Variants in SBF2 observed in about 807,000 individuals in gnomAD.
SBF2 encodes the protein myotubularin-related protein 13.
Under a neutral mutation model 225.2 loss-of-function variants are expected in SBF2, and 112 were observed. The observed-to-expected ratio is 0.50, with a 90% CI of 0.43 to 0.58. SBF2 has a LOEUF of 0.58. Among genes scored for constraint, SBF2 ranks in the 20% least tolerant of loss-of-function variants. The pLI is 0.00. For missense variants in SBF2, 1,996 were observed against 2,206.2 expected (o/e 0.90, Z 1.91); for synonymous variants, 763 against 773.3 (o/e 0.99, Z 0.22).
intron 16 of SBF2, among the ~76,000 whole-genome samples, chr11:9,937,302 G>T (rs1364997591): frequency 1.3e-5 from 2 of 151,672 alleles, no homozygotes; most frequent in South Asian, 4.2e-4. Context: ...AAGTTTTGTG[G>T]GAAGCATAAA....
intron 16 of SBF2, among the ~76,000 whole-genome samples, chr11:9,928,412 C>T (rs971750939): frequency 6.6e-6 from 1 of 152,122 alleles, no homozygotes; most frequent in African/African-American, 2.4e-5. Context: ...AACCACACAC[C>T]TATTAGGATG....
In SBF2 at chr11:10,116,143, T is replaced by C. The variant is rs543402090; in HGVS notation, c.142-73162A>G. Reference sequence around the variant, plus strand: ...GAGATCACGCCACTGCACTCCAGCCTGGGCGACAGAGCGAGACTCCCTCTC... The same window carrying C: ...GAGATCACGCCACTGCACTCCAGCCCGGGCGACAGAGCGAGACTCCCTCTC... On this transcript the variant is annotated intron_variant, in intron 2 of 39. Transcript: ENST00000256190. 7.2e-5 allele frequency among the ~76,000 whole-genome samples: 11 copies of C among 152,298 alleles called. No homozygotes were observed. The South Asian group carries it at 2.1e-3, about 29-fold the overall frequency.
intron 2 of SBF2, among the ~76,000 whole-genome samples, chr11:10,059,314 T>C (rs184664675): frequency 1.3e-4 from 20 of 151,840 alleles, no homozygotes; most frequent in African/African-American, 4.4e-4. Flanking sequence ...AATAAAAGCA[T>C]AGAGAAAGAT....
At chr11:9,814,486 C>T (rs986657323) in intron 29 of SBF2, among the ~76,000 whole-genome samples, 6 of 151,710 alleles carry the variant, frequency 4.0e-5, no homozygotes, top group African/African-American at 1.5e-4. Context: ...GGAAAAAACC[C>T]CCAGGGAATG....
Position 9,868,908 on chromosome 11 carries a change from T to C in SBF2, c.1930-10512A>G, listed in dbSNP as rs80273893. Among the ~76,000 whole-genome samples the C allele has an allele frequency of 6.4e-3, 982 of 152,330 alleles. 6 individuals are homozygous for C. Among genetic ancestry groups the C allele is most frequent in the African/African-American group, 0.023 (936 of 41,568 alleles). ...AGCACTCACCGGGCACATCTGTTTG[T>C]CTCTCCTTTTGTTATGTTAGAGGAT... is the stretch of plus-strand genomic sequence containing the variant. On this transcript the variant is annotated intron_variant, in intron 17 of 39. Coordinates refer to ENST00000256190, the MANE Select transcript of SBF2 (RefSeq NM_030962.4).
chr11:9,882,297 T>C (rs983740802), intron 17 of SBF2, among the ~76,000 whole-genome samples: 2 of 152,200 alleles, frequency 1.3e-5, no homozygotes, highest in African/African-American at 4.8e-5. Flanking sequence ...TTTTAGAAAA[T>C]TTCCTACAAA....
intron 28 of SBF2, among the ~76,000 whole-genome samples, chr11:9,825,626 C>T (rs1374216265): frequency 6.6e-6 from 1 of 152,004 alleles, no homozygotes; most frequent in Admixed American, 6.6e-5. Context: ...GAGATGTGTA[C>T]GGTTTTCAAA....
chr11:10,210,359 G>A (rs1244877175), intron 1 of SBF2, among the ~76,000 whole-genome samples: 3 of 151,730 alleles, frequency 2.0e-5, no homozygotes, highest in Non-Finnish European at 2.9e-5. Context: ...AGGAAGAAAG[G>A]AGGAGGAGGG....
At chr11:10,261,799 A>C (rs149947734) in intron 1 of SBF2, among the ~76,000 whole-genome samples, 306 of 152,340 alleles carry the variant, frequency 2.0e-3, no homozygotes, top group African/African-American at 7.1e-3. Flanking sequence ...AAAAGGGAAC[A>C]AACTTCTAAC....
chr11:9,790,666 T>C lies in SBF2; in HGVS notation c.4588A>G (p.Lys1530Glu), dbSNP rs746575779. Residue 1530 changes from lysine to glutamate, a missense_variant, in exon 34 of 40, where the codon AAA becomes GAA. By Grantham distance (56) the Lys-to-Glu change is moderately conservative. Coordinates refer to ENST00000256190, the MANE Select transcript of SBF2 (RefSeq NM_030962.4). ...CCTTTTTTGGCATGCTTTTCTCCTT[T>C]ATCATCAAATAAAGTTCCTGTAGAT... ...RLEHGTLFDD[K>E]GEKHAKKGVC... 6.3e-6 allele frequency: 10 copies of C among 1,579,930 alleles called. No individual in the cohort carries two copies. The highest frequency in any genetic ancestry group is 3.4e-5 in the Admixed American group (2 of 59,338).
At chr11:9,856,430 G>T in intron 19 of SBF2, 28 bp downstream of exon 19, 1 of 1,612,868 alleles carries the variant, frequency 6.2e-7, no homozygotes. Flanking sequence ...AGAGTAGGAG[G>T]AGGGTCTGTG....
intron 2 of SBF2, among the ~76,000 whole-genome samples, chr11:10,050,578 T>C (rs1349342452): frequency 2.0e-5 from 3 of 152,172 alleles, no homozygotes; most frequent in Non-Finnish European, 4.4e-5. Flanking sequence ...ATGGGGTCTC[T>C]CTCAAAATGT....
chr11:10,184,661 T>C (rs988965697), intron 2 of SBF2, among the ~76,000 whole-genome samples: 5 of 152,214 alleles, frequency 3.3e-5, no homozygotes, highest in African/African-American at 9.6e-5. Context: ...TTCCTGCCTG[T>C]ATGAATTTGA....
intron 16 of SBF2, chr11:9,929,092 T>G (rs893086702): frequency 1.2e-5 from 4 of 337,032 alleles, no homozygotes; most frequent in Non-Finnish European, 2.3e-5. Flanking sequence ...GACCAGCCAT[T>G]AGAAGTTGAC....
At chr11:10,274,764 A>G (rs1409867295) in intron 1 of SBF2, among the ~76,000 whole-genome samples, 1 of 151,974 alleles carries the variant, frequency 6.6e-6, no homozygotes. Context: ...AAAAAAAAAA[A>G]AAAAGAAAGA....
chr11:9,924,488 A>G (rs961418539), intron 16 of SBF2, among the ~76,000 whole-genome samples: 92 of 151,978 alleles, frequency 6.1e-4, no homozygotes, highest in Admixed American at 1.1e-3. Flanking sequence ...CTTGAGTGCA[A>G]TGGCGTGATC....
intron 2 of SBF2, among the ~76,000 whole-genome samples, chr11:10,120,674 G>A (rs969894500): frequency 1.3e-5 from 2 of 152,110 alleles, no homozygotes; most frequent in Non-Finnish European, 2.9e-5. Context: ...AGGCTGGAGT[G>A]CAGTGGCGTG....
At chr11:10,242,075 G>T (rs555726922) in intron 1 of SBF2, among the ~76,000 whole-genome samples, 3 of 151,636 alleles carry the variant, frequency 2.0e-5, no homozygotes, top group African/African-American at 7.2e-5. Context: ...AGGGTCTATG[G>T]GCAAGTTAGG....
rs780380 is a variant in SBF2 at position 9,811,819 on chromosome 11, A to G, written c.4155+713T>C. 6.6e-3 allele frequency among the ~76,000 whole-genome samples: 1,000 copies of G among 151,828 alleles called. 10 individuals are homozygous for G. The highest frequency in any genetic ancestry group is 0.023 in the African/African-American group (951 of 41,374). On this transcript the variant is annotated intron_variant, in intron 30 of 39. Transcript: ENST00000256190. ...GGGGACTGGGAATTTCTGCAAGGTGATAACAAATAATGGGGGCCAGGCGTG... is the reference window on the plus strand; with the variant it reads ...GGGGACTGGGAATTTCTGCAAGGTGGTAACAAATAATGGGGGCCAGGCGTG...
Sources: allele counts gnomAD v4.1 joint callset (sites outside exome capture counted in the v4.1 genomes callset), GRCh38; gene constraint gnomAD v4.1.1; transcripts MANE v1.5; gene names NCBI Gene and HGNC (gene_info 2026-07-23, HGNC 2026-07-21).